Variants in MTM1 observed in about 807,000 individuals in gnomAD.
MTM1 encodes myotubularin.
In MTM1, 9 loss-of-function variants were observed where a neutral mutation model predicts 52.1. That is an observed-to-expected ratio of 0.17 (90% confidence interval 0.10 to 0.30). The LOEUF (loss-of-function observed/expected upper bound fraction) is 0.30. Among genes scored for constraint, MTM1 ranks in the 10% least tolerant of loss-of-function variants. MTM1 has a pLI of 1.00. For synonymous variants in MTM1, 136 were observed against 163.8 expected (o/e 0.83, Z 1.29); for missense variants, 277 against 470.7 (o/e 0.59, Z 3.81).
At chrX:150,606,264 A>AAAAAC (rs781995333) in intron 4 of MTM1, among the ~76,000 whole-genome samples, 117 of 111,297 alleles carry the variant, frequency 1.1e-3, no homozygotes, top group Middle Eastern at 4.7e-3. Flanking sequence ...CTTCACATTA[A>AAAAAC]AAAACAAAAC....
chrX:150,633,184 G>C (rs1391494038), intron 6 of MTM1, among the ~76,000 whole-genome samples: 2 of 112,039 alleles, frequency 1.8e-5, no homozygotes, highest in Non-Finnish European at 3.8e-5. Flanking sequence ...GTCCTTTCGT[G>C]AACAAATAAA....
rs2148515668 is a variant in MTM1, at chrX:150,663,531, A to G, written c.1566A>G (p.Leu522=). ...PFYTKEINRV[L]YPVASMRHLE... is the part of the protein sequence containing the mutation. ...ATACTAAAGAAATCAATCGAGTTTT[A>G]TATCCAGTTGCCAGTATGCGTCACT... The change falls in exon 14 of 15, where the codon TTA becomes TTG. Residue 522 remains leucine (L), a synonymous_variant. Transcript: ENST00000370396. 2.5e-6 allele frequency: 3 copies of G among 1,211,885 alleles called. No individual in the cohort carries two copies. The highest frequency in any genetic ancestry group is 2.2e-6 in the Non-Finnish European group (2 of 895,418).
intron 8 of MTM1, 79 bp downstream of exon 8, chrX:150,641,497 G>T: frequency 9.0e-7 from 1 of 1,107,594 alleles, no homozygotes; most frequent in Non-Finnish European, 1.2e-6. Flanking sequence ...TTAGAGAAAC[G>T]GTCCTTTTGG....
chrX:150,572,935 A>G (rs1200182060), intron 1 of MTM1, among the ~76,000 whole-genome samples: 2 of 112,794 alleles, frequency 1.8e-5, no homozygotes, highest in Non-Finnish European at 3.7e-5. Context: ...TACTTGTATT[A>G]GTTTAGTATT....
At chrX:150,573,280 G>T (rs1172576263) in intron 1 of MTM1, among the ~76,000 whole-genome samples, 1 of 112,679 alleles carries the variant, frequency 8.9e-6, no homozygotes, top group African/African-American at 3.2e-5. Flanking sequence ...CTTTGAATCA[G>T]TCATTGTCTT....
intron 1 of MTM1, among the ~76,000 whole-genome samples, chrX:150,581,842 G>A (rs2038590866): frequency 9.0e-6 from 1 of 111,618 alleles, no homozygotes; most frequent in Non-Finnish European, 1.9e-5. Context: ...TATGATGATA[G>A]TAATACCTAG....
At chrX:150,638,651 C>G (rs1557413762) in intron 6 of MTM1, among the ~76,000 whole-genome samples, 1 of 111,217 alleles carries the variant, frequency 9.0e-6, no homozygotes, top group Non-Finnish European at 1.9e-5. Context: ...AATTGATAGG[C>G]ACTTTTTGGT....
chrX:150,605,798 G>A (rs1239877643), intron 4 of MTM1, among the ~76,000 whole-genome samples: 1 of 111,515 alleles, frequency 9.0e-6, no homozygotes, highest in Non-Finnish European at 1.9e-5. Context: ...GCTGGGTGTG[G>A]AACAAGTGCA....
chrX:150,581,288 T>C (rs2038579393), intron 1 of MTM1, among the ~76,000 whole-genome samples: 1 of 111,805 alleles, frequency 8.9e-6, no homozygotes, highest in Non-Finnish European at 1.9e-5. Context: ...GTGGCCACAT[T>C]GCTGGAATTT....
chrX:150,635,303 C>T (rs2039737085), intron 6 of MTM1, among the ~76,000 whole-genome samples: 1 of 112,177 alleles, frequency 8.9e-6, no homozygotes, highest in Non-Finnish European at 1.9e-5. Flanking sequence ...AAACAAGACG[C>T]GCTTGATGGT....
chrX:150,591,155 T>C, intron 1 of MTM1: 1 of 298,400 alleles, frequency 3.4e-6, no homozygotes, highest in Non-Finnish European at 4.5e-6. Flanking sequence ...GTGCTACCTG[T>C]AGGTAGTTTC....
chrX:150,585,092 T>A (rs1052698637), intron 1 of MTM1, among the ~76,000 whole-genome samples: 4 of 106,971 alleles, frequency 3.7e-5, no homozygotes, highest in African/African-American at 1.0e-4. Context: ...AGAGAAAGAG[T>A]GTGTGTGTGT....
intron 6 of MTM1, among the ~76,000 whole-genome samples, chrX:150,638,668 A>G (rs2039795290): frequency 9.0e-6 from 1 of 111,004 alleles, no homozygotes; most frequent in Non-Finnish European, 1.9e-5. Context: ...TGGTCTGGTA[A>G]TCTGATTTTT....
At chrX:150,608,804 G>GGAT (rs782040362) in intron 4 of MTM1, among the ~76,000 whole-genome samples, 136 of 108,826 alleles carry the variant, frequency 1.2e-3, no homozygotes, top group East Asian at 3.4e-3. Context: ...GCCTTCCCCA[G>GGAT]GATGATGATG....
At chrX:150,603,711 C>T (rs980022548) in intron 4 of MTM1, among the ~76,000 whole-genome samples, 2 of 112,129 alleles carry the variant, frequency 1.8e-5, no homozygotes, top group African/African-American at 3.2e-5. Context: ...ACAACTACCA[C>T]GTGGAAATGG....
At chrX:150,628,917 G>A (rs1025834147) in intron 6 of MTM1, among the ~76,000 whole-genome samples, 2 of 110,185 alleles carry the variant, frequency 1.8e-5, no homozygotes, top group Admixed American at 1.9e-4. Context: ...TTGACTTCAA[G>A]AAATCCTACT....
chrX:150,588,550 A>C (rs1489295728), intron 1 of MTM1, among the ~76,000 whole-genome samples: 1 of 111,821 alleles, frequency 8.9e-6, no homozygotes, highest in Non-Finnish European at 1.9e-5. Context: ...GTTGTTTTTC[A>C]TATTCAACAG....
In MTM1 at chrX:150,641,326, G is replaced by C; in HGVS notation, c.586G>C (p.Asp196His). 1 of 1,211,298 alleles carries C rather than the reference G, an allele frequency of 8.3e-7. No individual in the cohort carries two copies. Among genetic ancestry groups the C allele is most frequent in the Non-Finnish European group, 1.1e-6 (1 of 895,169 alleles). The part of the protein sequence containing the change: ...TFINKCYELC[D>H]TYPALLVVPY... ...TATTAATAAGTGCTATGAGCTCTGTGACACTTACCCTGCTCTTTTGGTGGT... is the reference window on the plus strand; with the variant it reads ...TATTAATAAGTGCTATGAGCTCTGTCACACTTACCCTGCTCTTTTGGTGGT... The change falls in exon 8 of 15, where the codon GAC becomes CAC. Residue 196 changes from aspartate (D) to histidine (H), a missense_variant. Asp to His is a moderately conservative substitution (Grantham distance 81). Transcript: ENST00000370396.
chrX:150,670,504 A>G (rs2040379177), intron 14 of MTM1, among the ~76,000 whole-genome samples: 1 of 112,450 alleles, frequency 8.9e-6, no homozygotes, highest in Non-Finnish European at 1.9e-5. Context: ...TCAGATGGGC[A>G]ATAAGCACAT....
Sources: allele counts gnomAD v4.1 joint callset (sites outside exome capture counted in the v4.1 genomes callset), GRCh38; gene constraint gnomAD v4.1.1; transcripts MANE v1.5; gene names NCBI Gene and HGNC (gene_info 2026-07-23, HGNC 2026-07-21).